The following ZBTB7C variants were observed in gnomAD, a reference collection of about 807,000 sequenced individuals.
ZBTB7C encodes zinc finger and BTB domain-containing protein 7C.
Under a neutral mutation model 25.7 loss-of-function variants are expected in ZBTB7C, and 8 were observed. The observed-to-expected ratio is 0.31, with a 90% CI of 0.18 to 0.56. ZBTB7C has a LOEUF of 0.56. ZBTB7C is among the 20% of genes least tolerant of loss of function. The pLI is 0.91. For synonymous variants in ZBTB7C, 394 were observed against 369.0 expected (o/e 1.07, Z -0.78); for missense variants, 824 against 855.2 (o/e 0.96, Z 0.46).
Position 48,027,156 on chromosome 18 carries a change from C to G in ZBTB7C, c.*2104G>C, listed in dbSNP as rs1444358306. 1 of 151,252 alleles carries G rather than the reference C, an allele frequency of 6.6e-6. No homozygotes were observed. Among genetic ancestry groups the G allele is most frequent in the Non-Finnish European group, 1.5e-5 (1 of 67,926 alleles). The allele number at this position is 151,252 out of a possible 1,614,324, so 9.4% of individuals were successfully genotyped here. A position where few individuals can be genotyped will look rare whatever the true frequency, so the allele number is the denominator to read the frequency against. On this transcript the variant is annotated 3_prime_UTR_variant, in exon 5 of 5. Transcript: ENST00000590800. ...AAACAAAAACACAACCACCCCTCCC[C>G]CCACAACCCATTTGCTTCAAGTTCT... is the stretch of plus-strand genomic sequence containing the variant.
intron 2 of ZBTB7C, among the ~76,000 whole-genome samples, chr18:48,277,372 T>A (rs1256368392): frequency 5.9e-5 from 9 of 151,436 alleles, no homozygotes; most frequent in African/African-American, 2.2e-4. Context: ...AAGACATTTA[T>A]GCAGCCAAAA....
chr18:48,288,638 A>G (rs2045129466), intron 2 of ZBTB7C, among the ~76,000 whole-genome samples: 1 of 152,198 alleles, frequency 6.6e-6, no homozygotes, highest in African/African-American at 2.4e-5. Flanking sequence ...CCTAGGCAAC[A>G]AGAGTGAAAC....
At chr18:48,164,118 G>A (rs1318753313) in intron 3 of ZBTB7C, among the ~76,000 whole-genome samples, 2 of 152,136 alleles carry the variant, frequency 1.3e-5, no homozygotes, top group Non-Finnish European at 2.9e-5. Flanking sequence ...TAAATTAATT[G>A]ATTTTATTGA....
At chr18:48,266,438 G>A (rs757556803) in intron 2 of ZBTB7C, among the ~76,000 whole-genome samples, 3 of 152,176 alleles carry the variant, frequency 2.0e-5, no homozygotes, top group South Asian at 2.1e-4. Flanking sequence ...ACCACACCCC[G>A]GATGTTGGAA....
At chr18:48,116,449 C>A (rs1311010421) in intron 3 of ZBTB7C, among the ~76,000 whole-genome samples, 1 of 152,256 alleles carries the variant, frequency 6.6e-6, no homozygotes, top group Admixed American at 6.5e-5. Flanking sequence ...CCATCCCATG[C>A]ATCCACACCA....
chr18:48,092,911 T>C (rs2038472826), intron 3 of ZBTB7C, among the ~76,000 whole-genome samples: 1 of 152,250 alleles, frequency 6.6e-6, no homozygotes, highest in African/African-American at 2.4e-5. Context: ...TGCTGAGCCT[T>C]GCTTGCCGAA....
intron 3 of ZBTB7C, among the ~76,000 whole-genome samples, chr18:48,054,727 T>C (rs1239829809): frequency 2.0e-5 from 3 of 152,200 alleles, no homozygotes; most frequent in Non-Finnish European, 4.4e-5. Context: ...CAGGCTTAAT[T>C]GCACAGTTCC....
intron 1 of ZBTB7C, among the ~76,000 whole-genome samples, chr18:48,347,223 G>T (rs117190539): frequency 7.5e-6 from 1 of 132,998 alleles, no homozygotes. Context: ...CTCCTGCCAC[G>T]GCCTCCCAAG....
intron 2 of ZBTB7C, among the ~76,000 whole-genome samples, chr18:48,235,424 C>A (rs1013662729): frequency 7.2e-5 from 11 of 152,082 alleles, no homozygotes; most frequent in African/African-American, 2.7e-4. Flanking sequence ...CTGTAGAGCA[C>A]TTTGTGCTCA....
At chr18:48,245,092 G>GTATATATATATATATATATATA (rs1397704476) in intron 2 of ZBTB7C, among the ~76,000 whole-genome samples, 17 of 126,310 alleles carry the variant, frequency 1.3e-4, no homozygotes, top group African/African-American at 3.5e-4. Flanking sequence ...GTGTGTGTGT[G>GTATATATATATATATATATATA]TATATATATA....
intron 1 of ZBTB7C, among the ~76,000 whole-genome samples, chr18:48,367,184 T>TATATATATATAC (rs2047244987): frequency 4.7e-5 from 1 of 21,138 alleles, no homozygotes; most frequent in Non-Finnish European, 8.9e-5. Context: ...TTTATATATA[T>TATATATATATAC]ATATATATAT....
chr18:48,203,677 T>A (rs2042510325), intron 2 of ZBTB7C: 2 of 152,018 alleles, frequency 1.3e-5, no homozygotes, highest in Non-Finnish European at 2.9e-5. Flanking sequence ...CCCCACCCCC[T>A]GGGTTGGGTG....
chr18:48,263,800 T>G (rs992437332), intron 2 of ZBTB7C, among the ~76,000 whole-genome samples: 1 of 151,790 alleles, frequency 6.6e-6, no homozygotes, highest in Non-Finnish European at 1.5e-5. Context: ...AGTAATAGAT[T>G]AGTAATCAAA....
intron 1 of ZBTB7C, chr18:48,408,578 G>C (rs1475768320): frequency 6.6e-6 from 1 of 152,248 alleles, no homozygotes; most frequent in African/African-American, 2.4e-5. Context: ...ACTCTGCTCA[G>C]ATCTCATCGA....
At chr18:48,179,876 TCCTTCCTG>T (rs1378908979) in intron 3 of ZBTB7C, among the ~76,000 whole-genome samples, 5 of 138,314 alleles carry the variant, frequency 3.6e-5, no homozygotes, top group Admixed American at 7.2e-5. Flanking sequence ...CTCCCTCCCT[TCCTTCCTG>T]CAAGGAAGAT....
At chr18:48,062,090 G>A (rs1237941938) in intron 3 of ZBTB7C, among the ~76,000 whole-genome samples, 1 of 152,176 alleles carries the variant, frequency 6.6e-6, no homozygotes, top group Admixed American at 6.5e-5. Context: ...GAAAACATGA[G>A]AGAATCTTAT....
At chr18:48,175,436 G>A (rs1568278960) in intron 3 of ZBTB7C, among the ~76,000 whole-genome samples, 1 of 152,226 alleles carries the variant, frequency 6.6e-6, no homozygotes, top group East Asian at 1.9e-4. Context: ...AAACAACCAT[G>A]TAGAAATGGA....
intron 2 of ZBTB7C, among the ~76,000 whole-genome samples, chr18:48,266,534 CTT>C (rs1250418223): frequency 6.6e-6 from 1 of 152,186 alleles, no homozygotes; most frequent in Non-Finnish European, 1.5e-5. Context: ...GAGAAACAGA[CTT>C]TGTTTTGTTC....
intron 3 of ZBTB7C, among the ~76,000 whole-genome samples, chr18:48,117,957 G>A (rs532111182): frequency 1.3e-5 from 2 of 149,862 alleles, no homozygotes; most frequent in East Asian, 3.9e-4. Flanking sequence ...TTTAACTTCA[G>A]TATTTTCATT....
Sources: gnomAD v4.1 joint callset for allele counts (sites outside exome capture counted in the v4.1 genomes callset) on GRCh38, gnomAD v4.1.1 for gene constraint, MANE v1.5 for transcripts, NCBI Gene and HGNC (gene_info 2026-07-23, HGNC 2026-07-21) for gene names.